SULF1: variants seen among roughly 807,000 people sequenced by gnomAD.
SULF1 encodes the protein sulfatase 1.
A neutral mutation model predicts 110.5 loss-of-function variants in SULF1; 46 were observed. The ratio of observed to expected loss-of-function variants is 0.42; its 90% CI spans 0.33 to 0.53. The LOEUF (loss-of-function observed/expected upper bound fraction) is 0.53, where lower values mean the gene tolerates loss of function less well. Among genes scored for constraint, SULF1 ranks in the 20% least tolerant of loss-of-function variants. The pLI, the probability that SULF1 is intolerant of heterozygous loss-of-function variation, is 0.12. For synonymous variants in SULF1, 371 were observed against 387.1 expected, an observed-to-expected ratio of 0.96 and a Z score of 0.49; for missense variants, 941 against 1,094.2, an observed-to-expected ratio of 0.86 and a Z score of 1.98.
chr8:69,595,214 A>G (rs1288476854), intron 8 of SULF1, among the ~76,000 whole-genome samples: 1 of 152,216 alleles, frequency 6.6e-6, no homozygotes, highest in Non-Finnish European at 1.5e-5. Flanking sequence ...GGTTTTGTGA[A>G]GGTCATGTGA....
At chr8:69,614,772 A>G (rs970098304) in intron 13 of SULF1, among the ~76,000 whole-genome samples, 6 of 152,378 alleles carry the variant, frequency 3.9e-5, no homozygotes, top group Admixed American at 2.0e-4. Flanking sequence ...AACTTCCACC[A>G]TAGTTGGAAA....
intron 3 of SULF1, among the ~76,000 whole-genome samples, chr8:69,515,148 A>C (rs555406209): frequency 1.3e-5 from 2 of 152,068 alleles, no homozygotes; most frequent in South Asian, 4.2e-4. Context: ...TTTCCCCTCC[A>C]TACTTCCGTA....
intron 1 of SULF1, among the ~76,000 whole-genome samples, chr8:69,477,081 T>C (rs1348373693): frequency 6.6e-6 from 1 of 152,204 alleles, no homozygotes; most frequent in Non-Finnish European, 1.5e-5. Context: ...ATTCTACTCC[T>C]ACATGTTACG....
intron 5 of SULF1, among the ~76,000 whole-genome samples, chr8:69,572,146 G>A (rs1409559745): frequency 6.6e-6 from 1 of 152,184 alleles, no homozygotes; most frequent in Non-Finnish European, 1.5e-5. Context: ...AGATGAGAGT[G>A]CAGAAAGAGA....
intron 1 of SULF1, among the ~76,000 whole-genome samples, chr8:69,472,868 A>G (rs1011033482): frequency 1.4e-4 from 22 of 151,966 alleles, no homozygotes; most frequent in Non-Finnish European, 3.1e-4. Context: ...ACAATGTCTC[A>G]CTCTCTCATC....
chr8:69,601,685 T>G lies in SULF1; in HGVS notation c.917T>G (p.Leu306Arg). The change falls in exon 10 of 23, where the codon CTG becomes CGG. Residue 306 changes from leucine (L) to arginine (R), a missense_variant. Leu to Arg is a moderately radical substitution (Grantham distance 102). This residue lies in a region of SULF1 where 822 missense variants were observed against 934.3 expected (regional missense o/e 0.88). Transcript: ENST00000402687. ...LYNMLVETGE[L>R]ENTYIIYTAD... is the part of the protein sequence containing the mutation. The stretch of plus-strand genomic sequence containing the variant: ...AACATGCTCGTGGAGACGGGGGAGC[T>G]GGAGAATACTTACATCATTTACACC... 2 of 1,612,150 alleles carry G rather than the reference T, an allele frequency of 1.2e-6. No individual in the cohort carries two copies. Among genetic ancestry groups the G allele is most frequent in the Non-Finnish European group, 1.7e-6 (2 of 1,179,206 alleles).
chr8:69,600,512 T>C, intron 8 of SULF1, 91 bp from the exon 9 acceptor site: 1 of 1,255,208 alleles, frequency 8.0e-7, no homozygotes, highest in East Asian at 2.4e-5. Context: ...CTCAATTATC[T>C]CTCCTTAATG....
intron 7 of SULF1, among the ~76,000 whole-genome samples, chr8:69,587,299 C>T (rs1353437533): frequency 6.6e-6 from 1 of 152,058 alleles, no homozygotes; most frequent in East Asian, 1.9e-4. Context: ...TAGAAGAAGC[C>T]GAGAATCTGC....
rs780560683 is a variant in SULF1 at position 69,604,873 on chromosome 8, C to T, written c.1318C>T (p.Arg440Trp). 1.1e-5 allele frequency: 17 copies of T among 1,614,182 alleles called. 1 individual carries two copies. The highest frequency in any genetic ancestry group is 1.7e-5 in the Admixed American group (1 of 60,028). The change falls in exon 13 of 23, where the codon CGG becomes TGG. Residue 440 changes from arginine to tryptophan, a missense_variant. By Grantham distance (101) the Arg-to-Trp change is moderately radical. Around this residue, in one of 3 missense-constraint regions of SULF1, gnomAD observed 822 missense variants for 934.3 expected, o/e 0.88. Coordinates refer to ENST00000402687, the MANE Select transcript of SULF1 (RefSeq NM_001128205.2). ...QQSNHLPKYE[R>W]VKELCQQARY... is the part of the protein sequence containing the mutation. ...GTCAAATCACTTGCCCAAATATGAA[C>T]GGGTCAAAGAACTATGCCAGCAGGC...
intron 6 of SULF1, among the ~76,000 whole-genome samples, chr8:69,578,960 G>A (rs1047615313): frequency 1.3e-5 from 2 of 151,414 alleles, no homozygotes; most frequent in African/African-American, 2.4e-5. Flanking sequence ...TCAGGAGATC[G>A]AGACCATCCT....
intron 15 of SULF1, among the ~76,000 whole-genome samples, chr8:69,624,804 A>T (rs2130575065): frequency 6.6e-6 from 1 of 152,354 alleles, no homozygotes; most frequent in Non-Finnish European, 1.5e-5. Flanking sequence ...TTCCCTCATA[A>T]GTTTAATGAA....
chr8:69,591,850 C>T (rs1200908449), intron 8 of SULF1, among the ~76,000 whole-genome samples: 2 of 152,166 alleles, frequency 1.3e-5, no homozygotes, highest in African/African-American at 4.8e-5. Context: ...TTGTCTGTGG[C>T]TGCTTTCACA....
chr8:69,596,067 C>T lies in SULF1; in HGVS notation c.735-4536C>T, dbSNP rs939011539. ...GTTGAGCTTACAAGTACAGTGGACT[C>T]AAGTATCCATGATCCAGCGCACTGA... On this transcript the variant is annotated intron_variant, in intron 8 of 22. Coordinates refer to ENST00000402687, the MANE Select transcript of SULF1 (RefSeq NM_001128205.2). Among the ~76,000 whole-genome samples the T allele has an allele frequency of 2.6e-5, 4 of 152,310 alleles. No individual in the cohort carries two copies. The East Asian group carries it at 7.7e-4, about 29-fold the overall frequency.
chr8:69,649,947 C>CCCA (rs1812199825), intron 22 of SULF1, among the ~76,000 whole-genome samples: 1 of 131,538 alleles, frequency 7.6e-6, no homozygotes, highest in Non-Finnish European at 1.6e-5. Flanking sequence ...GATGGTTTCT[C>CCCA]CCACTCTGTA....
At chr8:69,569,158 A>G (rs1805036119) in intron 5 of SULF1, among the ~76,000 whole-genome samples, 1 of 152,166 alleles carries the variant, frequency 6.6e-6, no homozygotes, top group African/African-American at 2.4e-5. Context: ...TTGACCTGAC[A>G]GGAACATCTC....
At chr8:69,488,226 A>G (rs1182036913), upstream of SULF1, among the ~76,000 whole-genome samples, 1 of 152,250 alleles carries the variant, frequency 6.6e-6, no homozygotes, top group African/African-American at 2.4e-5. Context: ...TGGCAAAAAA[A>G]AAGATCCGTC....
At position 69,629,573 on chromosome 8, in the gene SULF1, G is replaced by A. The variant is rs769690645; in HGVS notation, c.2178G>A (p.Glu726=). Residue 726 remains glutamate, a synonymous_variant, in exon 19 of 23, where the codon GAG becomes GAA. Coordinates refer to ENST00000402687, the MANE Select transcript of SULF1 (RefSeq NM_001128205.2). ...AGAACAACCGTAGGAGGAAGAAGGAGAGGAAGGAGAAGAGACGGCAGAGGA... is the reference window on the plus strand; with the variant it reads ...AGAACAACCGTAGGAGGAAGAAGGAAAGGAAGGAGAAGAGACGGCAGAGGA... The part of the protein sequence containing the change: ...FKENNRRRKK[E]RKEKRRQRKG... The A allele has an allele frequency of 5.6e-6, 9 of 1,614,120 alleles. No individual in the cohort carries two copies. The highest frequency in any genetic ancestry group is 3.3e-5 in the Admixed American group (2 of 60,012).
rs894894776 is a variant in SULF1 at position 69,486,798 on chromosome 8, C to G, written c.-390-8967C>G. 2.6e-5 allele frequency among the ~76,000 whole-genome samples: 4 copies of G among 152,270 alleles called. No homozygotes were observed. In the East Asian group the frequency reaches 5.8e-4, roughly 22 times the overall value. The stretch of plus-strand genomic sequence containing the variant: ...CCTGAGAGGGTTGGAACAACTCCCC[C>G]GCCCCTGCAGAAAACACGACTGGTT... On this transcript the variant is annotated intron_variant, in intron 1 of 22. Transcript: ENST00000260128.
At position 69,576,179 on chromosome 8, in the gene SULF1, G is replaced by A; in HGVS notation, c.382G>A (p.Val128Ile). Residue 128 changes from valine to isoleucine, a missense_variant, in exon 6 of 23, where the codon GTA (valine) becomes ATA (isoleucine). Val to Ile is a conservative substitution (Grantham distance 29, BLOSUM62 3). Transcript: ENST00000402687. ...QAMHEPRTFA[V>I]YLNNTGYRTA... ...CATGCATGAGCCTCGGACTTTTGCT[G>A]TATATCTTAACAACACTGGCTACAG... 1.2e-6 allele frequency: 2 copies of A among 1,614,170 alleles called. No homozygotes were observed. The highest frequency in any genetic ancestry group is 1.7e-6 in the Non-Finnish European group (2 of 1,180,028).
Sources: allele counts gnomAD v4.1 joint callset (sites outside exome capture counted in the v4.1 genomes callset), GRCh38; gene constraint gnomAD v4.1.1; regional missense constraint gnomAD v4.1.1; transcripts MANE v1.5; gene names NCBI Gene and HGNC (gene_info 2026-07-23, HGNC 2026-07-21).